IL1RAPL2: variants seen among roughly 807,000 people sequenced by gnomAD.
IL1RAPL2 encodes the protein interleukin 1 receptor accessory protein like 2.
IL1RAPL2 carries 3 observed loss-of-function variants against 44.1 expected under a neutral mutation model. The ratio of observed to expected loss-of-function variants is 0.07; its 90% CI spans 0.03 to 0.18. IL1RAPL2 has a LOEUF of 0.18. Among genes scored for constraint, IL1RAPL2 ranks in the 10% least tolerant of loss-of-function variants. IL1RAPL2 has a pLI of 1.00. For missense variants in IL1RAPL2, 391 were observed against 496.4 expected, an observed-to-expected ratio of 0.79 and a Z score of 2.02; for synonymous variants, 181 against 178.8, an observed-to-expected ratio of 1.01 and a Z score of -0.10.
At chrX:105,649,641 C>G (rs1306676875) in intron 6 of IL1RAPL2, among the ~76,000 whole-genome samples, 1 of 111,323 alleles carries the variant, frequency 9.0e-6, no homozygotes, top group Non-Finnish European at 1.9e-5. Context: ...ATGGAAGCTA[C>G]AGAGAGGCAG....
At chrX:105,079,113 TCTG>T (rs1569376868) in intron 2 of IL1RAPL2, among the ~76,000 whole-genome samples, 1 of 111,993 alleles carries the variant, frequency 8.9e-6, no homozygotes, top group Non-Finnish European at 1.9e-5. Context: ...TCACCCGTCT[TCTG>T]CATCTCTCAC....
intron 6 of IL1RAPL2, among the ~76,000 whole-genome samples, chrX:105,629,362 T>C (rs1040895992): frequency 2.7e-5 from 3 of 111,829 alleles, no homozygotes; most frequent in Non-Finnish European, 5.6e-5. Context: ...TTTGGTTCTA[T>C]GACAGTTGCA....
intron 2 of IL1RAPL2, among the ~76,000 whole-genome samples, chrX:105,087,904 C>A (rs1005390221): frequency 8.9e-6 from 1 of 111,859 alleles, no homozygotes; most frequent in East Asian, 2.8e-4. Flanking sequence ...TTTCTTATCT[C>A]TGAAAAAAAT....
chrX:105,217,436 A>G (rs1205635612), intron 3 of IL1RAPL2, among the ~76,000 whole-genome samples: 1 of 111,947 alleles, frequency 8.9e-6, no homozygotes, highest in East Asian at 2.8e-4. Context: ...CGATCATTAA[A>G]AAGTCAGGAA....
At chrX:104,835,919 T>C (rs1023772286) in intron 2 of IL1RAPL2, among the ~76,000 whole-genome samples, 2 of 111,548 alleles carry the variant, frequency 1.8e-5, no homozygotes, top group African/African-American at 3.3e-5. Flanking sequence ...CTGCTTGTGA[T>C]GGTGATTAAA....
intron 6 of IL1RAPL2, among the ~76,000 whole-genome samples, chrX:105,497,293 A>G (rs1178472177): frequency 9.0e-6 from 1 of 110,965 alleles, no homozygotes; most frequent in Non-Finnish European, 1.9e-5. Flanking sequence ...GGAGAGGGAT[A>G]AATTCCTAGA....
At chrX:105,411,250 G>A (rs2035693496) in intron 5 of IL1RAPL2, among the ~76,000 whole-genome samples, 1 of 111,576 alleles carries the variant, frequency 9.0e-6, no homozygotes, top group African/African-American at 3.3e-5. Context: ...GAGGAAGAAA[G>A]GAGCAAATGA....
At chrX:105,274,156 A>G (rs1479495886) in intron 5 of IL1RAPL2, among the ~76,000 whole-genome samples, 1 of 112,103 alleles carries the variant, frequency 8.9e-6, no homozygotes, top group East Asian at 2.8e-4. Context: ...TTGGTCTTCA[A>G]TAATTCCCTA....
chrX:105,533,168 C>T (rs1008939633), intron 6 of IL1RAPL2, among the ~76,000 whole-genome samples: 2 of 110,141 alleles, frequency 1.8e-5, no homozygotes, highest in Admixed American at 9.7e-5. Context: ...CCAGCCTGGG[C>T]GACAGCGCAA....
chrX:104,790,971 G>A (rs192833880), intron 2 of IL1RAPL2, among the ~76,000 whole-genome samples: 2 of 111,725 alleles, frequency 1.8e-5, no homozygotes, highest in Middle Eastern at 4.6e-3. Context: ...ACTGCTCTAA[G>A]TACTTTGTAA....
chrX:105,401,221 A>G (rs2035604504), intron 5 of IL1RAPL2, among the ~76,000 whole-genome samples: 1 of 111,449 alleles, frequency 9.0e-6, no homozygotes, highest in Admixed American at 9.6e-5. Context: ...GGGGCTGAAC[A>G]TTCAAAATAT....
At chrX:105,585,518 C>T (rs1263127107) in intron 6 of IL1RAPL2, among the ~76,000 whole-genome samples, 2 of 110,899 alleles carry the variant, frequency 1.8e-5, no homozygotes, top group East Asian at 5.7e-4. Flanking sequence ...TCTCCCCCAC[C>T]TGCTGTCCCA....
At chrX:104,810,293 T>G (rs932402928) in intron 2 of IL1RAPL2, among the ~76,000 whole-genome samples, 1 of 110,333 alleles carries the variant, frequency 9.1e-6, no homozygotes, top group African/African-American at 3.3e-5. Context: ...AGGGATAGCT[T>G]TAGGAGACAT....
At position 105,553,196 on chromosome X, in the gene IL1RAPL2, A is replaced by C. The variant is rs188550172; in HGVS notation, c.772+68809A>C. 2.1e-3 allele frequency among the ~76,000 whole-genome samples: 238 copies of C among 111,790 alleles called. 2 individuals are homozygous for C. Among genetic ancestry groups the C allele is most frequent in the African/African-American group, 7.5e-3 (230 of 30,754 alleles). ...TGGGGTGGTTGTAAAGATAGAAAAA[A>C]TAGATAATCATAGAAAAACATGGCC... is the stretch of plus-strand genomic sequence containing the variant. On this transcript the variant is annotated intron_variant, in intron 6 of 10. Coordinates refer to ENST00000372582, the MANE Select transcript of IL1RAPL2 (RefSeq NM_017416.2).
At chrX:105,219,913 G>A (rs782177310) in intron 3 of IL1RAPL2, 6 of 1,136,589 alleles carry the variant, frequency 5.3e-6, no homozygotes, top group Middle Eastern at 2.5e-4. Context: ...AGTGGTACTG[G>A]GCAGGGACCA....
At chrX:105,759,392 C>T (rs757983862) in intron 10 of IL1RAPL2, among the ~76,000 whole-genome samples, 1 of 111,453 alleles carries the variant, frequency 9.0e-6, no homozygotes, top group African/African-American at 3.3e-5. Flanking sequence ...AAAAAAAATC[C>T]TTGGAAGGTT....
chrX:105,383,130 A>G (rs956995669), intron 5 of IL1RAPL2, among the ~76,000 whole-genome samples: 1 of 110,440 alleles, frequency 9.1e-6, no homozygotes, highest in Non-Finnish European at 1.9e-5. Flanking sequence ...AAAAAAAAAG[A>G]AAATCACATG....
chrX:104,785,455 A>G (rs1932793605), intron 2 of IL1RAPL2, among the ~76,000 whole-genome samples: 1 of 111,907 alleles, frequency 8.9e-6, no homozygotes, highest in Admixed American at 9.5e-5. Context: ...CCCCATGTTA[A>G]TTTAGCCTAT....
chrX:104,969,235 A>G (rs2030187078), intron 2 of IL1RAPL2, among the ~76,000 whole-genome samples: 1 of 110,512 alleles, frequency 9.0e-6, no homozygotes, highest in African/African-American at 3.3e-5. Flanking sequence ...ATATATAAAA[A>G]CTTAGTATGA....
Sources: gnomAD v4.1 joint callset for allele counts (sites outside exome capture counted in the v4.1 genomes callset) on GRCh38, gnomAD v4.1.1 for gene constraint, MANE v1.5 for transcripts, NCBI Gene and HGNC (gene_info 2026-07-23, HGNC 2026-07-21) for gene names.